DNER: variants seen among roughly 807,000 people sequenced by gnomAD.
DNER encodes delta and Notch-like epidermal growth factor-related receptor.
DNER carries 33 observed loss-of-function variants against 78.2 expected under a neutral mutation model. The ratio of observed to expected loss-of-function variants is 0.42; its 90% confidence interval spans 0.32 to 0.56. DNER has a LOEUF of 0.56. DNER is among the 20% of genes least tolerant of loss of function. The probability of loss-of-function intolerance (pLI) is 0.11; values close to 1 mark genes in which losing one functional copy is unlikely to be tolerated. For synonymous variants in DNER, 417 were observed against 384.8 expected, an observed-to-expected ratio of 1.08 and a Z score of -0.98; for missense variants, 918 against 975.3, an observed-to-expected ratio of 0.94 and a Z score of 0.78.
intron 10 of DNER, among the ~76,000 whole-genome samples, chr2:229,396,778 G>A (rs147845808): frequency 1.8e-4 from 28 of 152,316 alleles, no homozygotes; most frequent in African/African-American, 5.8e-4. Flanking sequence ...TCAGATGTGG[G>A]TCTGTCTGAG....
intron 6 of DNER, among the ~76,000 whole-genome samples, chr2:229,494,724 C>T (rs757165552): frequency 2.0e-5 from 3 of 152,184 alleles, no homozygotes; most frequent in African/African-American, 4.8e-5. Flanking sequence ...GTGGGAGTTA[C>T]AGCCCCGCTG....
intron 1 of DNER, among the ~76,000 whole-genome samples, chr2:229,686,472 C>T (rs1699484519): frequency 1.3e-5 from 2 of 152,202 alleles, no homozygotes; most frequent in Admixed American, 1.3e-4. Context: ...CTAGAGCAGG[C>T]AGAAATTCTA....
chr2:229,475,789 G>C (rs941544466), intron 7 of DNER, among the ~76,000 whole-genome samples: 6 of 152,192 alleles, frequency 3.9e-5, no homozygotes, highest in Non-Finnish European at 7.3e-5. Flanking sequence ...TAATAGGAAA[G>C]CATGTTGGAG....
chr2:229,624,359 C>T (rs889396782), intron 1 of DNER, among the ~76,000 whole-genome samples: 1 of 152,152 alleles, frequency 6.6e-6, no homozygotes, highest in African/African-American at 2.4e-5. Flanking sequence ...CATTAACAGA[C>T]AGGAAATATT....
At chr2:229,458,091 A>C (rs1694614269) in intron 7 of DNER, among the ~76,000 whole-genome samples, 1 of 133,190 alleles carries the variant, frequency 7.5e-6, no homozygotes. Context: ...AGCTGAGATC[A>C]CACCACTGCA....
At chr2:229,460,112 G>A (rs930910247) in intron 7 of DNER, among the ~76,000 whole-genome samples, 3 of 130,556 alleles carry the variant, frequency 2.3e-5, no homozygotes, top group South Asian at 2.5e-4. Flanking sequence ...AGCAGAGATC[G>A]CGCCACTACA....
chr2:229,447,942 T>C (rs1051615049), intron 7 of DNER, among the ~76,000 whole-genome samples: 3 of 152,198 alleles, frequency 2.0e-5, no homozygotes, highest in African/African-American at 7.2e-5. Flanking sequence ...TATATATTAA[T>C]GGGGAACACA....
chr2:229,665,552 A>C (rs574414717), intron 1 of DNER, among the ~76,000 whole-genome samples: 26 of 152,310 alleles, frequency 1.7e-4, no homozygotes, highest in Middle Eastern at 3.4e-3. Flanking sequence ...ACAGTGTCAT[A>C]AAAAAACTAA....
At chr2:229,541,269 TA>T (rs1696507899) in intron 5 of DNER, among the ~76,000 whole-genome samples, 2 of 152,062 alleles carry the variant, frequency 1.3e-5, no homozygotes, top group African/African-American at 4.8e-5. Context: ...GGGGAAAACC[TA>T]ACGTTGGGGG....
chr2:229,550,685 G>T (rs945870144), intron 4 of DNER, among the ~76,000 whole-genome samples: 7 of 152,000 alleles, frequency 4.6e-5, no homozygotes, highest in South Asian at 2.1e-4. Flanking sequence ...CTGAGGCAGG[G>T]GAATCGCTTG....
intron 7 of DNER, among the ~76,000 whole-genome samples, chr2:229,450,461 C>T (rs6714349): frequency 5.9e-5 from 9 of 152,244 alleles, no homozygotes; most frequent in African/African-American, 2.2e-4. Context: ...GGTTAAATTG[C>T]GTCCCTCCAA....
At position 229,591,269 on chromosome 2, in the gene DNER, T is replaced by C. The variant is rs1697600852; in HGVS notation, c.585+311A>G. Among the ~76,000 whole-genome samples the C allele has an allele frequency of 6.6e-6, 1 of 152,238 alleles. No homozygotes were observed. The highest frequency in any genetic ancestry group is 1.5e-5 in the Non-Finnish European group (1 of 68,044). ...CCAGAAAGGAAAATAAGGTCAATGATGGAGGGTCCTATGACATGTTCCTTT... is the reference window on the plus strand; with the variant it reads ...CCAGAAAGGAAAATAAGGTCAATGACGGAGGGTCCTATGACATGTTCCTTT... On this transcript the variant is annotated intron_variant, in intron 2 of 12. Transcript: ENST00000341772. This position sits in a 1 kb window ranked among gnomAD's most constrained non-coding sequence, Gnocchi z 4.6.
intron 4 of DNER, among the ~76,000 whole-genome samples, chr2:229,563,367 T>TCATCATCATCCTCACCCCATCAC (rs1697003958): frequency 6.7e-6 from 1 of 149,530 alleles, no homozygotes; most frequent in African/African-American, 2.5e-5. Context: ...CCCATCACCA[T>TCATCATCATCCTCACCCCATCAC]CATCATCATC....
At chr2:229,472,245 A>G (rs1694939476) in intron 7 of DNER, among the ~76,000 whole-genome samples, 2 of 152,222 alleles carry the variant, frequency 1.3e-5, no homozygotes, top group Admixed American at 1.3e-4. Flanking sequence ...ATAGTGCATA[A>G]AGCCCCATAT....
intron 7 of DNER, among the ~76,000 whole-genome samples, chr2:229,461,808 C>T (rs755984111): frequency 6.6e-6 from 1 of 151,852 alleles, no homozygotes; most frequent in Non-Finnish European, 1.5e-5. Flanking sequence ...CTCTGGTGTG[C>T]AATAGTGTAA....
intron 1 of DNER, among the ~76,000 whole-genome samples, chr2:229,664,138 T>C (rs1048686099): frequency 3.9e-5 from 6 of 152,208 alleles, no homozygotes; most frequent in Non-Finnish European, 7.3e-5. Context: ...TTTGTATATT[T>C]GTATATTTGC....
intron 12 of DNER, among the ~76,000 whole-genome samples, chr2:229,364,290 G>A (rs1006866025): frequency 1.3e-5 from 2 of 151,990 alleles, no homozygotes; most frequent in African/African-American, 4.8e-5. Flanking sequence ...GCCGGTCAAG[G>A]CACCCTATTC....
At chr2:229,645,428 TC>T (rs1698700882) in intron 1 of DNER, among the ~76,000 whole-genome samples, 2 of 152,202 alleles carry the variant, frequency 1.3e-5, no homozygotes, top group Non-Finnish European at 2.9e-5. Context: ...ACATTGTAGA[TC>T]CCTCTCAATC....
chr2:229,671,601 C>A (rs891553706), intron 1 of DNER, among the ~76,000 whole-genome samples: 1 of 152,220 alleles, frequency 6.6e-6, no homozygotes, highest in Non-Finnish European at 1.5e-5. Flanking sequence ...ATGCCCACCA[C>A]AAAGCACAGT....
Sources: allele counts gnomAD v4.1 joint callset (sites outside exome capture counted in the v4.1 genomes callset), GRCh38; gene constraint gnomAD v4.1.1; non-coding constraint Gnocchi (gnomAD v3.1); transcripts MANE v1.5; gene names NCBI Gene and HGNC (gene_info 2026-07-23, HGNC 2026-07-21).